The following INPP5F variants were observed in gnomAD, a reference collection of about 807,000 sequenced individuals.
The protein encoded by INPP5F is inositol polyphosphate-5-phosphatase F, also known as phosphatidylinositide 4-phosphatase SAC2.
A neutral mutation model predicts 137.2 loss-of-function variants in INPP5F; 97 were observed. That is an observed-to-expected ratio of 0.71 (90% CI 0.60 to 0.84). The LOEUF is 0.84. INPP5F is among the 40% of genes least tolerant of loss of function. The pLI is 0.00. For missense variants in INPP5F, 1,271 were observed against 1,371.9 expected (o/e 0.93, Z 1.16); for synonymous variants, 504 against 476.9 (o/e 1.06, Z -0.74).
chr10:119,772,843 C>T (rs957990187), intron 2 of INPP5F, among the ~76,000 whole-genome samples: 2 of 151,672 alleles, frequency 1.3e-5, no homozygotes, highest in Admixed American at 6.6e-5. Flanking sequence ...TCCCGGGTCC[C>T]GGTTCAAGCA....
chr10:119,738,930 C>T (rs760992662), intron 1 of INPP5F, among the ~76,000 whole-genome samples: 15 of 151,870 alleles, frequency 9.9e-5, no homozygotes, highest in Non-Finnish European at 2.1e-4. Context: ...GCCTGTAATC[C>T]CAGCATTTTG....
intron 3 of INPP5F, among the ~76,000 whole-genome samples, chr10:119,786,402 G>T (rs957125401): frequency 1.3e-5 from 2 of 152,198 alleles, no homozygotes; most frequent in African/African-American, 2.4e-5. Flanking sequence ...GGACTGGGAA[G>T]GAATCCTAAG....
At chr10:119,786,931 T>A (rs1054033155) in intron 3 of INPP5F, among the ~76,000 whole-genome samples, 1 of 151,464 alleles carries the variant, frequency 6.6e-6, no homozygotes, top group Non-Finnish European at 1.5e-5. Flanking sequence ...ACAATCCTTA[T>A]CTGAACTTCT....
chr10:119,791,088 CA>C (rs1182362598), intron 3 of INPP5F, among the ~76,000 whole-genome samples: 1 of 152,190 alleles, frequency 6.6e-6, no homozygotes, highest in Non-Finnish European at 1.5e-5. Context: ...TCTTCTCAAC[CA>C]AAACACTCAA....
intron 1 of INPP5F, among the ~76,000 whole-genome samples, chr10:119,728,032 A>G (rs1247915165): frequency 1.3e-5 from 2 of 152,248 alleles, no homozygotes; most frequent in Non-Finnish European, 2.9e-5. Flanking sequence ...TTGAACTATA[A>G]AGGCTAACCT....
chr10:119,753,457 C>G (rs905951285), intron 2 of INPP5F, among the ~76,000 whole-genome samples: 2 of 152,194 alleles, frequency 1.3e-5, no homozygotes, highest in African/African-American at 4.8e-5. Flanking sequence ...CAGAGCAGCT[C>G]TGCTCTTGTC....
chr10:119,745,501 A>AT (rs1236368374), intron 1 of INPP5F, among the ~76,000 whole-genome samples: 1 of 151,824 alleles, frequency 6.6e-6, no homozygotes, highest in Non-Finnish European at 1.5e-5. Context: ...TGGTACTTAC[A>AT]TACATCTATG....
intron 8 of INPP5F, among the ~76,000 whole-genome samples, chr10:119,797,896 C>T (rs1850440572): frequency 6.6e-6 from 1 of 152,102 alleles, no homozygotes; most frequent in African/African-American, 2.4e-5. Context: ...ATTGCTATCG[C>T]TTTGAAGAGT....
intron 1 of INPP5F, among the ~76,000 whole-genome samples, chr10:119,731,914 T>C (rs1342022207): frequency 1.3e-5 from 2 of 152,240 alleles, no homozygotes; most frequent in African/African-American, 4.8e-5. Context: ...ATCTGTATGT[T>C]TATTTTTATG....
chr10:119,822,919 C>T, intron 17 of INPP5F, 152 bp from the exon 18 acceptor site: 1 of 668,570 alleles, frequency 1.5e-6, no homozygotes, highest in Non-Finnish European at 2.5e-6. Flanking sequence ...AAGAGTTCTT[C>T]TAGCCTTATC....
intron 19 of INPP5F, among the ~76,000 whole-genome samples, chr10:119,824,661 G>C (rs754504143): frequency 3.3e-5 from 5 of 152,166 alleles, no homozygotes; most frequent in Non-Finnish European, 7.3e-5. Flanking sequence ...AAATTACTTT[G>C]AGACTATGTA....
chr10:119,790,632 A>G (rs1029876494), intron 3 of INPP5F, among the ~76,000 whole-genome samples: 1 of 152,236 alleles, frequency 6.6e-6, no homozygotes, highest in Non-Finnish European at 1.5e-5. Flanking sequence ...CACTGATGAT[A>G]ATAAGCATTT....
chr10:119,828,089 AC>A lies in INPP5F; in HGVS notation c.*310del. ...CCTTTTTTTGGAGTGGGGTGGGTAG[AC>A]TACAGTAGACACAAGGGCTGGACAT... is the stretch of plus-strand genomic sequence containing the variant. On this transcript the variant is annotated 3_prime_UTR_variant, in exon 20 of 20. Coordinates refer to ENST00000650623, the MANE Select transcript of INPP5F (RefSeq NM_014937.4). The A allele has an allele frequency of 4.4e-6, 1 of 225,080 alleles. No homozygotes were observed. The allele number at this position is 225,080 out of a possible 1,614,324, so 13.9% of individuals were successfully genotyped here. A position where few individuals can be genotyped will look rare whatever the true frequency, so the allele number is the denominator to read the frequency against.
At chr10:119,730,405 C>T (rs758004120) in intron 1 of INPP5F, among the ~76,000 whole-genome samples, 1 of 152,042 alleles carries the variant, frequency 6.6e-6, no homozygotes, top group African/African-American at 2.4e-5. Flanking sequence ...CCACCGCGCC[C>T]GGCCTGGTTA....
At chr10:119,795,563 G>A (rs1307831235) in intron 6 of INPP5F, among the ~76,000 whole-genome samples, 1 of 150,952 alleles carries the variant, frequency 6.6e-6, no homozygotes, top group South Asian at 2.1e-4. Context: ...ATGGGATGGC[G>A]GCCGGGCAGA....
At chr10:119,799,169 C>A in intron 9 of INPP5F, 1 of 219,248 alleles carries the variant, frequency 4.6e-6, no homozygotes, top group Non-Finnish European at 9.3e-6. Flanking sequence ...CAACTGAAAA[C>A]TGGTAGGTGA....
chr10:119,779,905 TAGG>T (rs1422082267), intron 2 of INPP5F, among the ~76,000 whole-genome samples: 1 of 152,186 alleles, frequency 6.6e-6, no homozygotes, highest in Non-Finnish European at 1.5e-5. Context: ...TTTTTATAAG[TAGG>T]AGTATACCTA....
chr10:119,778,795 C>G (rs1410825123), intron 2 of INPP5F, among the ~76,000 whole-genome samples: 1 of 152,250 alleles, frequency 6.6e-6, no homozygotes, highest in East Asian at 1.9e-4. Flanking sequence ...TTTTTCTTCT[C>G]TATCTCCTAC....
intron 3 of INPP5F, among the ~76,000 whole-genome samples, chr10:119,788,694 A>G (rs1236990681): frequency 6.6e-6 from 1 of 152,232 alleles, no homozygotes; most frequent in Non-Finnish European, 1.5e-5. Flanking sequence ...TCACTTGTGT[A>G]AACATGTCAC....
Sources: allele counts gnomAD v4.1 joint callset (sites outside exome capture counted in the v4.1 genomes callset), GRCh38; gene constraint gnomAD v4.1.1; transcripts MANE v1.5; gene names NCBI Gene and HGNC (gene_info 2026-07-23, HGNC 2026-07-21).